The following RIMBP2 variants were observed in gnomAD, a reference collection of about 807,000 sequenced individuals.
RIMBP2 encodes RIMS-binding protein 2.
Under a neutral mutation model 118.6 loss-of-function variants are expected in RIMBP2, and 48 were observed. That is an observed-to-expected ratio of 0.40 (90% CI 0.32 to 0.51). The LOEUF is 0.51. RIMBP2 is among the 20% of genes least tolerant of loss of function. RIMBP2 has a pLI of 0.41. For synonymous variants in RIMBP2, 762 were observed against 742.9 expected, an observed-to-expected ratio of 1.03 and a Z score of -0.42; for missense variants, 1,551 against 1,768.3, an observed-to-expected ratio of 0.88 and a Z score of 2.20.
intron 1 of RIMBP2, among the ~76,000 whole-genome samples, chr12:130,691,893 G>A (rs1477262880): frequency 6.6e-6 from 1 of 152,198 alleles, no homozygotes. Context: ...GAGGCCCTGG[G>A]TGGTTAGAGC....
chr12:130,464,329 A>G (rs947213984), intron 6 of RIMBP2, among the ~76,000 whole-genome samples: 1 of 152,164 alleles, frequency 6.6e-6, no homozygotes, highest in African/African-American at 2.4e-5. Flanking sequence ...TTGGAAACAA[A>G]TTGTCCCATG....
chr12:130,563,098 T>C (rs2056943464), intron 2 of RIMBP2, among the ~76,000 whole-genome samples: 1 of 152,224 alleles, frequency 6.6e-6, no homozygotes, highest in South Asian at 2.1e-4. Context: ...GCTAAAACAC[T>C]GTTATCCTGA....
chr12:130,707,583 G>A (rs933841194), intron 1 of RIMBP2, among the ~76,000 whole-genome samples: 7 of 152,158 alleles, frequency 4.6e-5, no homozygotes, highest in Admixed American at 1.3e-4. Context: ...AGGCCCTTGC[G>A]CTTGCTCTAA....
chr12:130,427,877 G>C (rs1456759058), intron 15 of RIMBP2: 2 of 272,608 alleles, frequency 7.3e-6, no homozygotes, highest in Non-Finnish European at 1.4e-5. Context: ...GCTGTGGAGG[G>C]GGTTCTTCTT....
Position 130,523,593 on chromosome 12 carries a change from G to T in RIMBP2, c.-216-5676C>A, listed in dbSNP as rs965007000. 6.6e-6 allele frequency among the ~76,000 whole-genome samples: 1 copy of T among 152,200 alleles called. No homozygotes were observed. The highest frequency in any genetic ancestry group is 2.4e-5 in the African/African-American group (1 of 41,444). On this transcript the variant is annotated intron_variant, in intron 2 of 22. Coordinates refer to ENST00000690449, the MANE Select transcript of RIMBP2 (RefSeq NM_001393629.1). This position sits in a 1 kb window ranked among gnomAD's most constrained non-coding sequence, Gnocchi z 4.4. ...CCCCATTTCAATGGACAAGGTGGCCGCTTCTCTGGGGGAGAAACTGACAAG... is the reference window on the plus strand; with the variant it reads ...CCCCATTTCAATGGACAAGGTGGCCTCTTCTCTGGGGGAGAAACTGACAAG...
chr12:130,620,941 G>A lies in RIMBP2; in HGVS notation c.-217+7381C>T, dbSNP rs906395467. ...CCTGGAACCTGCAGACCTGGACTCCGGGCCTGGGGCACCTGTGAGCCATCC... is the reference window on the plus strand; with the variant it reads ...CCTGGAACCTGCAGACCTGGACTCCAGGCCTGGGGCACCTGTGAGCCATCC... On this transcript the variant is annotated intron_variant, in intron 2 of 22. Coordinates refer to ENST00000690449, the MANE Select transcript of RIMBP2 (RefSeq NM_001393629.1). The surrounding 1 kb of genome is among the most constrained non-coding windows in gnomAD (Gnocchi z 5.3). Among the ~76,000 whole-genome samples the A allele has an allele frequency of 3.3e-5, 5 of 152,128 alleles. No individual in the cohort carries two copies. The highest frequency in any genetic ancestry group is 6.5e-5 in the Admixed American group (1 of 15,274).
chr12:130,632,520 T>C (rs191219056), intron 1 of RIMBP2, among the ~76,000 whole-genome samples: 87 of 152,240 alleles, frequency 5.7e-4, no homozygotes, highest in African/African-American at 1.9e-3. Context: ...CTTTCTCCCC[T>C]CATCTTCCTG....
chr12:130,503,106 A>T (rs1461949790), intron 4 of RIMBP2, among the ~76,000 whole-genome samples: 2 of 152,122 alleles, frequency 1.3e-5, no homozygotes, highest in Non-Finnish European at 2.9e-5. Context: ...ATCAAAAAGA[A>T]CACAGCTGGG....
At chr12:130,658,215 A>G (rs2063508153) in intron 1 of RIMBP2, 1 of 152,282 alleles carries the variant, frequency 6.6e-6, no homozygotes, top group Non-Finnish European at 1.5e-5. Context: ...GGAACAGCAC[A>G]AGCCAGGCTC....
intron 4 of RIMBP2, among the ~76,000 whole-genome samples, chr12:130,493,971 C>CA (rs2048889487): frequency 6.6e-6 from 1 of 152,152 alleles, no homozygotes. Flanking sequence ...GCACTGGAGA[C>CA]ACAGTGGACA....
In RIMBP2 at chr12:130,710,131, C is replaced by A. The variant is rs1316038341; in HGVS notation, c.-352+6091G>T. Among the ~76,000 whole-genome samples, 1 of 152,200 alleles carries A rather than the reference C, an allele frequency of 6.6e-6. No individual in the cohort carries two copies. Among genetic ancestry groups the A allele is most frequent in the East Asian group, 1.9e-4 (1 of 5,172 alleles). On this transcript the variant is annotated intron_variant, in intron 1 of 22. Transcript: ENST00000690449. This position sits in a 1 kb window ranked among gnomAD's most constrained non-coding sequence, Gnocchi z 4.3. ...TGTGGTCCCAGCTGCTCCAAAAACA[C>A]CCAAGGAGCAATTTCTGCACATACC...
At chr12:130,503,150 G>A (rs529136645) in intron 4 of RIMBP2, among the ~76,000 whole-genome samples, 1 of 152,196 alleles carries the variant, frequency 6.6e-6, no homozygotes, top group Admixed American at 6.5e-5. Flanking sequence ...CTAGCACTTT[G>A]GGAGGCCAAG....
Position 130,532,308 on chromosome 12 carries a change from C to T in RIMBP2, c.-216-14391G>A, listed in dbSNP as rs149650000. 1.0e-3 allele frequency among the ~76,000 whole-genome samples: 149 copies of T among 146,796 alleles called. 2 individuals are homozygous for T. The highest frequency in any genetic ancestry group is 3.7e-3 in the African/African-American group (145 of 38,832). On this transcript the variant is annotated intron_variant, in intron 2 of 22. Transcript: ENST00000690449. ...TCTAGGAGGTACATCTAATGAGATG[C>T]GTGTGTTTAGCCTCTAGGAGGTACG...
At position 130,460,168 on chromosome 12, in the gene RIMBP2, A is replaced by G. The variant is rs12231888; in HGVS notation, c.154-3468T>C. On this transcript the variant is annotated intron_variant, in intron 6 of 22. Transcript: ENST00000690449. ...CCTGCACAGGGGCCGCTGTGTCATC[A>G]CAGGCCTGGGTGTTCATCAGGGCCG... Among the ~76,000 whole-genome samples the G allele has an allele frequency of 3.0e-4, 46 of 152,240 alleles. No homozygotes were observed. In the East Asian group the frequency reaches 8.1e-3, roughly 27 times the overall value.
At position 130,609,359 on chromosome 12, in the gene RIMBP2, G is replaced by C. The variant is rs539045630; in HGVS notation, c.-217+18963C>G. ...TCTCTACACAACGGAATGCTGTTCAGCCATTTTAAAAAAAAATGAAATCCT... is the reference window on the plus strand; with the variant it reads ...TCTCTACACAACGGAATGCTGTTCACCCATTTTAAAAAAAAATGAAATCCT... On this transcript the variant is annotated intron_variant, in intron 2 of 22. Transcript: ENST00000690449. 2.5e-3 allele frequency among the ~76,000 whole-genome samples: 376 copies of C among 152,228 alleles called. 3 individuals carry two copies. The highest frequency in any genetic ancestry group is 4.0e-3 in the Non-Finnish European group (274 of 68,024).
intron 1 of RIMBP2, among the ~76,000 whole-genome samples, chr12:130,638,934 T>G (rs1319583836): frequency 6.6e-6 from 1 of 152,124 alleles, no homozygotes; most frequent in Non-Finnish European, 1.5e-5. Flanking sequence ...TAATGTAAAC[T>G]ATGGACTCTA....
rs77570802 is a variant in RIMBP2 at position 130,680,901 on chromosome 12, A to C, written c.-352+35321T>G. Among the ~76,000 whole-genome samples, 589 of 152,332 alleles carry C rather than the reference A, an allele frequency of 3.9e-3. 6 individuals are homozygous for C. The highest frequency in any genetic ancestry group is 0.014 in the African/African-American group (563 of 41,576). On this transcript the variant is annotated intron_variant, in intron 1 of 22. Coordinates refer to ENST00000690449, the MANE Select transcript of RIMBP2 (RefSeq NM_001393629.1). ...TAGGGATTTTGTTGTGTGATAGATTAACTTTTGAAGTATGTTTTTAAATCT... is the reference window on the plus strand; with the variant it reads ...TAGGGATTTTGTTGTGTGATAGATTCACTTTTGAAGTATGTTTTTAAATCT...
chr12:130,476,816 T>C (rs2081470448), intron 5 of RIMBP2, among the ~76,000 whole-genome samples: 1 of 152,204 alleles, frequency 6.6e-6, no homozygotes, highest in African/African-American at 2.4e-5. Context: ...CAGAGCCGTG[T>C]CCCACTCGCA....
chr12:130,714,139 G>C (rs192991502), intron 1 of RIMBP2, among the ~76,000 whole-genome samples: 10 of 152,360 alleles, frequency 6.6e-5, no homozygotes, highest in Non-Finnish European at 1.2e-4. Flanking sequence ...CGTGGCAGGG[G>C]GTGGATTTGA....
Sources: gnomAD v4.1 joint callset for allele counts (sites outside exome capture counted in the v4.1 genomes callset) on GRCh38, gnomAD v4.1.1 for gene constraint, Gnocchi (gnomAD v3.1) non-coding constraint, MANE v1.5 for transcripts, NCBI Gene and HGNC (gene_info 2026-07-23, HGNC 2026-07-21) for gene names.